Variants in NFATC1 observed in about 807,000 individuals in gnomAD.
NFATC1 encodes nuclear factor of activated T cells 1, also known as nuclear factor of activated T-cells, cytoplasmic 1.
NFATC1 carries 22 observed loss-of-function variants against 76.0 expected under a neutral mutation model. That is an observed-to-expected ratio of 0.29 (90% confidence interval 0.21 to 0.41). The LOEUF (loss-of-function observed/expected upper bound fraction) is 0.41. NFATC1 is among the 10% of genes least tolerant of loss of function. The probability of loss-of-function intolerance (pLI) is 1.00; values close to 1 mark genes in which losing one functional copy is unlikely to be tolerated. For missense variants in NFATC1, 1,357 were observed against 1,337.7 expected (o/e 1.01, Z -0.23); for synonymous variants, 704 against 613.1 (o/e 1.15, Z -2.19).
chr18:79,432,975 G>A (rs1042700064), intron 2 of NFATC1, among the ~76,000 whole-genome samples: 4 of 152,312 alleles, frequency 2.6e-5, no homozygotes, highest in Non-Finnish European at 5.9e-5. Flanking sequence ...TAACCGAACA[G>A]CCTCCCACAG....
intron 2 of NFATC1, among the ~76,000 whole-genome samples, chr18:79,415,882 C>T (rs1003697355): frequency 1.3e-5 from 2 of 151,986 alleles, no homozygotes; most frequent in East Asian, 4.0e-4. Context: ...GCCAAATTGG[C>T]GAAACCCCAT....
In NFATC1 at chr18:79,410,404, A is replaced by G; in HGVS notation, c.129A>G (p.Glu43=). ...CCATCTGCTTCTTTTTCTCTCTAGA[A>G]CACTATGGCTATGCATCCTCCAACG... The part of the protein sequence containing the change: ...AGGTMKSAEE[E]HYGYASSNVS... The change falls in exon 2 of 10, where the codon GAA becomes GAG. Residue 43 remains glutamate (E), a splice_region_variant and synonymous_variant. Transcript: ENST00000427363. This position sits in a 1 kb window ranked among gnomAD's most constrained non-coding sequence, Gnocchi z 6.7. 2 of 1,606,336 alleles carry G rather than the reference A, an allele frequency of 1.2e-6. No individual in the cohort carries two copies. Among genetic ancestry groups the G allele is most frequent in the African/African-American group, 2.7e-5 (2 of 74,906 alleles).
At chr18:79,520,612 TGG>T (rs535436795) in intron 9 of NFATC1, among the ~76,000 whole-genome samples, 16 of 52,822 alleles carry the variant, frequency 3.0e-4, no homozygotes, top group Admixed American at 8.0e-4. Flanking sequence ...TGTGTGTGTG[TGG>T]GGGGGGCATC....
intron 2 of NFATC1, among the ~76,000 whole-genome samples, chr18:79,414,266 A>G (rs1295275831): frequency 1.3e-5 from 2 of 152,166 alleles, no homozygotes; most frequent in African/African-American, 2.4e-5. Context: ...GCACAACTAG[A>G]AAGCTGTATT....
At chr18:79,514,622 G>C (rs1041479905) in intron 9 of NFATC1, among the ~76,000 whole-genome samples, 4 of 148,208 alleles carry the variant, frequency 2.7e-5, no homozygotes, top group Non-Finnish European at 5.9e-5. Context: ...CACCACCCTG[G>C]CATGCCTCCG....
At chr18:79,400,510 CG>C in intron 1 of NFATC1, 1 of 1,390,798 alleles carries the variant, frequency 7.2e-7, no homozygotes, top group Non-Finnish European at 9.3e-7. Context: ...GCGGGGGGCG[CG>C]GGGCCAGGTC....
Position 79,451,810 on chromosome 18 carries a change from GC to G in NFATC1, c.1901del (p.Pro634GlnfsTer35). The G allele has an allele frequency of 6.2e-7, 1 of 1,609,620 alleles. No individual in the cohort carries two copies. On this transcript the variant is annotated frameshift_variant, in exon 6 of 10. Coordinates refer to ENST00000427363, the MANE Select transcript of NFATC1 (RefSeq NM_001278669.2). LOFTEE classifies it high-confidence loss of function. ...QDSKVIFVEKAPDGHHVWEME... is the reference protein window; with the variant it reads ...QDSKVIFVEKXPDGHHVWEME... ...CTCCAAGGTCATTTTCGTGGAGAAAGCCCCAGGTATGCTCTTCACCAGGGGC... is the reference window on the plus strand; with the variant it reads ...CTCCAAGGTCATTTTCGTGGAGAAAGCCCAGGTATGCTCTTCACCAGGGGC...
chr18:79,512,461 A>G (rs1473740810), intron 9 of NFATC1, among the ~76,000 whole-genome samples: 3 of 152,160 alleles, frequency 2.0e-5, no homozygotes, highest in Non-Finnish European at 4.4e-5. Context: ...CAGCCTCCCA[A>G]GGAGGAGAAG....
chr18:79,397,430 C>T (rs2085044717), intron 1 of NFATC1, among the ~76,000 whole-genome samples: 1 of 105,464 alleles, frequency 9.5e-6, no homozygotes, highest in South Asian at 3.0e-4. Flanking sequence ...AACCGGGCTC[C>T]CCCAGCTCTG....
At chr18:79,527,355 GCACTGGCTCACGA>G in intron 9 of NFATC1, 160 bp from the exon 10 acceptor site, 1 of 588,760 alleles carries the variant, frequency 1.7e-6, no homozygotes, top group South Asian at 2.2e-5. Flanking sequence ...AGGCAGCCAG[GCACTGGCTCACGA>G]CACTCATGGA....
intron 1 of NFATC1, among the ~76,000 whole-genome samples, chr18:79,407,298 C>T (rs1209366645): frequency 6.6e-6 from 1 of 152,184 alleles, no homozygotes; most frequent in East Asian, 1.9e-4. Flanking sequence ...CCAGAGCTGG[C>T]GTCTTGCAGC....
At chr18:79,397,338 C>T (rs1302633980) in intron 1 of NFATC1, among the ~76,000 whole-genome samples, 1 of 152,248 alleles carries the variant, frequency 6.6e-6, no homozygotes, top group Non-Finnish European at 1.5e-5. Context: ...CACCTGCCAA[C>T]ATATGTACTT....
At chr18:79,459,048 G>T (rs2087907226) in intron 6 of NFATC1, among the ~76,000 whole-genome samples, 1 of 152,284 alleles carries the variant, frequency 6.6e-6, no homozygotes, top group Non-Finnish European at 1.5e-5. Context: ...CCACCTCCAA[G>T]AGGGAAGGCC....
intron 2 of NFATC1, among the ~76,000 whole-genome samples, chr18:79,426,877 C>T (rs78533604): frequency 2.6e-3 from 400 of 152,358 alleles, no homozygotes; most frequent in Middle Eastern, 6.8e-3. Flanking sequence ...AGGATCCTGC[C>T]GGGAGCGCCT....
chr18:79,509,329 C>T lies in NFATC1; in HGVS notation c.2783-18199C>T, dbSNP rs113723873. ...CAGCTCTCCACCAGCCGGAACTCACCGCCACCCACCCTGGGCTGCCAGCTC... is the reference window on the plus strand; with the variant it reads ...CAGCTCTCCACCAGCCGGAACTCACTGCCACCCACCCTGGGCTGCCAGCTC... On this transcript the variant is annotated intron_variant, in intron 9 of 9. Coordinates refer to ENST00000427363, the MANE Select transcript of NFATC1 (RefSeq NM_001278669.2). Among the ~76,000 whole-genome samples the T allele has an allele frequency of 3.6e-3, 548 of 152,370 alleles. 1 individual carries two copies. Among genetic ancestry groups the T allele is most frequent in the African/African-American group, 0.011 (455 of 41,596 alleles).
intron 8 of NFATC1, among the ~76,000 whole-genome samples, chr18:79,481,268 C>T (rs545285073): frequency 2.6e-5 from 4 of 152,228 alleles, no homozygotes; most frequent in East Asian, 3.9e-4. Flanking sequence ...GAGCTGGGGG[C>T]GCCATGGCCT....
chr18:79,512,516 A>C (rs2090280253), intron 9 of NFATC1, among the ~76,000 whole-genome samples: 1 of 152,232 alleles, frequency 6.6e-6, no homozygotes, highest in Non-Finnish European at 1.5e-5. Context: ...CTGTGGCTCC[A>C]CGAGGTCAGA....
At chr18:79,516,588 C>T (rs1000372786) in intron 9 of NFATC1, among the ~76,000 whole-genome samples, 3 of 152,100 alleles carry the variant, frequency 2.0e-5, no homozygotes, top group East Asian at 1.9e-4. Context: ...TAGGGTGGAC[C>T]GAGGAGGCCG....
chr18:79,525,025 C>G (rs62096928), intron 9 of NFATC1, among the ~76,000 whole-genome samples: 4,847 of 121,704 alleles, frequency 0.04, 185 homozygotes, highest in Admixed American at 0.069. Flanking sequence ...TACTACCCCT[C>G]AGGCCTCCCC....
Sources: gnomAD v4.1 joint callset for allele counts (sites outside exome capture counted in the v4.1 genomes callset) on GRCh38, gnomAD v4.1.1 for gene constraint, Gnocchi (gnomAD v3.1) non-coding constraint, MANE v1.5 for transcripts, NCBI Gene and HGNC (gene_info 2026-07-23, HGNC 2026-07-21) for gene names.